The following WWOX variants were observed in gnomAD, a reference collection of about 807,000 sequenced individuals.
WWOX encodes the protein WW domain containing oxidoreductase.
Under a neutral mutation model 46.2 loss-of-function variants are expected in WWOX, and 69 were observed. The ratio of observed to expected loss-of-function variants is 1.49; its 90% confidence interval spans 1.23 to 1.82. The LOEUF (loss-of-function observed/expected upper bound fraction) is 1.82. Among genes scored for constraint, WWOX ranks in the 40% most tolerant of loss-of-function variants. The pLI is 0.00. For missense variants in WWOX, 919 were observed against 542.6 expected (o/e 1.69, Z -6.89); for synonymous variants, 359 against 202.6 (o/e 1.77, Z -6.56).
At chr16:78,878,844 C>T (rs1309916264) in intron 8 of WWOX, among the ~76,000 whole-genome samples, 1 of 143,938 alleles carries the variant, frequency 6.9e-6, no homozygotes, top group Non-Finnish European at 1.5e-5. Context: ...TCTCTTGAGT[C>T]CAGGAGTTTG....
intron 8 of WWOX, among the ~76,000 whole-genome samples, chr16:78,614,661 G>A (rs561374644): frequency 6.6e-6 from 1 of 152,336 alleles, no homozygotes; most frequent in African/African-American, 2.4e-5. Context: ...CCTTAGTCCA[G>A]TTACAGGGCC....
At chr16:79,190,679 G>T (rs1040065176) in intron 8 of WWOX, among the ~76,000 whole-genome samples, 2 of 152,190 alleles carry the variant, frequency 1.3e-5, no homozygotes, top group Non-Finnish European at 2.9e-5. Context: ...GTAGAAGAGG[G>T]CTCTGCCAAC....
intron 8 of WWOX, among the ~76,000 whole-genome samples, chr16:78,479,410 A>C (rs990342125): frequency 1.3e-5 from 2 of 152,232 alleles, no homozygotes; most frequent in African/African-American, 4.8e-5. Context: ...CTTTCATTGT[A>C]ATGTTTTAAA....
At chr16:78,694,109 A>G (rs952941230) in intron 8 of WWOX, among the ~76,000 whole-genome samples, 1 of 152,052 alleles carries the variant, frequency 6.6e-6, no homozygotes, top group Middle Eastern at 3.2e-3. Flanking sequence ...GTGTGTGCAT[A>G]TAATCCCAGC....
chr16:78,847,313 C>G (rs558664064), intron 8 of WWOX, among the ~76,000 whole-genome samples: 30 of 152,154 alleles, frequency 2.0e-4, no homozygotes, highest in African/African-American at 7.2e-4. Flanking sequence ...TCCATTTATT[C>G]CTGTATCTCT....
chr16:78,994,969 C>CTTTTTTTTTTTT (rs869088414), intron 8 of WWOX, among the ~76,000 whole-genome samples: 101 of 114,646 alleles, frequency 8.8e-4, no homozygotes, highest in Non-Finnish European at 1.2e-3. Flanking sequence ...TCTTCTTCTT[C>CTTTTTTTTTTTT]TTTTTTTTTT....
chr16:78,459,984 T>C (rs924021869), intron 8 of WWOX, among the ~76,000 whole-genome samples: 4 of 151,584 alleles, frequency 2.6e-5, no homozygotes, highest in African/African-American at 9.7e-5. Context: ...TTTTGTATTA[T>C]TTATAGAGTT....
At chr16:78,206,151 T>C (rs918787045) in intron 5 of WWOX, among the ~76,000 whole-genome samples, 8 of 152,122 alleles carry the variant, frequency 5.3e-5, no homozygotes, top group Non-Finnish European at 1.0e-4. Context: ...TACTATGTTC[T>C]ATTGGGAACC....
intron 8 of WWOX, among the ~76,000 whole-genome samples, chr16:78,637,908 A>G (rs2046613221): frequency 6.6e-6 from 1 of 152,104 alleles, no homozygotes; most frequent in Admixed American, 6.5e-5. Flanking sequence ...CCTTCCTTGC[A>G]GGGTCCGTCC....
chr16:78,388,888 G>A (rs1484671745), intron 6 of WWOX, among the ~76,000 whole-genome samples: 3 of 151,318 alleles, frequency 2.0e-5, no homozygotes, highest in Admixed American at 1.3e-4. Flanking sequence ...AGAATGGCTT[G>A]AACCCGGGAG....
chr16:78,297,157 C>T (rs1469727059), intron 5 of WWOX, among the ~76,000 whole-genome samples: 1 of 152,128 alleles, frequency 6.6e-6, no homozygotes, highest in Non-Finnish European at 1.5e-5. Flanking sequence ...CATTGACACC[C>T]ACACACTCCT....
At chr16:78,244,406 A>T (rs1224225590) in intron 5 of WWOX, among the ~76,000 whole-genome samples, 2 of 152,172 alleles carry the variant, frequency 1.3e-5, no homozygotes, top group Non-Finnish European at 2.9e-5. Context: ...ATGATGGGGA[A>T]TTTGAGACTG....
At chr16:78,902,175 C>G (rs67382945) in intron 8 of WWOX, among the ~76,000 whole-genome samples, 52,552 of 152,034 alleles carry the variant, frequency 0.35, 10,206 homozygotes, top group Middle Eastern at 0.6. Context: ...ATCGGGCAGC[C>G]TGCAGCTGAT....
chr16:79,069,536 A>G (rs2048509130), intron 8 of WWOX, among the ~76,000 whole-genome samples: 2 of 151,152 alleles, frequency 1.3e-5, no homozygotes, highest in South Asian at 4.2e-4. Context: ...AGGGTCACAT[A>G]AAAAAGAATC....
intron 8 of WWOX, among the ~76,000 whole-genome samples, chr16:78,991,734 A>T (rs760880095): frequency 6.6e-6 from 1 of 151,954 alleles, no homozygotes; most frequent in Non-Finnish European, 1.5e-5. Context: ...CCTCGTGGTG[A>T]TGTTAAGATG....
At position 78,478,107 on chromosome 16, in the gene WWOX, TGTA is replaced by T. The variant is rs75427880; in HGVS notation, c.1056+45359_1056+45361del. On this transcript the variant is annotated intron_variant, in intron 8 of 8. Transcript: ENST00000566780. ...ATATTAACTGAGTTATAAAAATGTT[TGTA>T]GTATAGCACAGAATGAAAAACACAG... Among the ~76,000 whole-genome samples the T allele has an allele frequency of 2.7e-3, 413 of 152,324 alleles. 3 individuals carry two copies. The highest frequency in any genetic ancestry group is 0.02 in the Admixed American group (300 of 15,296).
chr16:78,788,815 G>A (rs1272480704), intron 8 of WWOX, among the ~76,000 whole-genome samples: 4 of 152,148 alleles, frequency 2.6e-5, no homozygotes, highest in Non-Finnish European at 4.4e-5. Context: ...TGGGGGTATG[G>A]GGGGCAGTCT....
chr16:78,420,360 C>T (rs1380781137), intron 6 of WWOX, among the ~76,000 whole-genome samples: 1 of 152,038 alleles, frequency 6.6e-6, no homozygotes, highest in Non-Finnish European at 1.5e-5. Context: ...TAAATGGAAA[C>T]AATCCAAATA....
At position 78,437,731 on chromosome 16, in the gene WWOX, A is replaced by G. The variant is rs147446529; in HGVS notation, c.1056+4979A>G. On this transcript the variant is annotated intron_variant, in intron 8 of 8. Transcript: ENST00000566780. ...AGTGTCGTTCTAAAAAAGATGCAAT[A>G]TACTTCAAATAGCTGCTTCTAAAAT... Among the ~76,000 whole-genome samples, 510 of 152,364 alleles carry G rather than the reference A, an allele frequency of 3.3e-3. 1 individual carries two copies. Among genetic ancestry groups the G allele is most frequent in the Non-Finnish European group, 5.8e-3 (393 of 68,034 alleles).
Sources: allele counts gnomAD v4.1 joint callset (sites outside exome capture counted in the v4.1 genomes callset), GRCh38; gene constraint gnomAD v4.1.1; transcripts MANE v1.5; gene names NCBI Gene and HGNC (gene_info 2026-07-23, HGNC 2026-07-21).